EDIL3: variants seen among roughly 807,000 people sequenced by gnomAD.
EDIL3 encodes EGF like and discoidin domains 3.
A neutral mutation model predicts 67.4 loss-of-function variants in EDIL3; 37 were observed. The observed-to-expected ratio is 0.55, with a 90% CI of 0.42 to 0.72. EDIL3 has a LOEUF of 0.72. EDIL3 is among the 30% of genes least tolerant of loss of function. The probability of loss-of-function intolerance (pLI) is 0.00; values close to 1 mark genes in which losing one functional copy is unlikely to be tolerated. For missense variants in EDIL3, 527 were observed against 586.3 expected, an observed-to-expected ratio of 0.90 and a Z score of 1.04; for synonymous variants, 195 against 196.3, an observed-to-expected ratio of 0.99 and a Z score of 0.05.
At chr5:84,138,668 T>G (rs970254985) in intron 4 of EDIL3, among the ~76,000 whole-genome samples, 2 of 152,174 alleles carry the variant, frequency 1.3e-5, no homozygotes, top group Non-Finnish European at 2.9e-5. Flanking sequence ...TTTTGACATT[T>G]TTTTTTTCTA....
intron 9 of EDIL3, 50 bp downstream of exon 9, chr5:84,060,247 ATCT>A (rs1243498289): frequency 5.0e-6 from 8 of 1,586,428 alleles, no homozygotes; most frequent in African/African-American, 2.7e-5. Context: ...TCAACAGGAA[ATCT>A]TCTAAGAAAG....
chr5:84,191,496 T>C (rs1026461179), intron 3 of EDIL3, among the ~76,000 whole-genome samples: 56 of 152,152 alleles, frequency 3.7e-4, no homozygotes, highest in African/African-American at 1.3e-3. Context: ...TGTGGCTTCC[T>C]TGTGGCAGAT....
chr5:84,166,434 C>T (rs1026298926), intron 4 of EDIL3, among the ~76,000 whole-genome samples: 4 of 152,086 alleles, frequency 2.6e-5, no homozygotes, highest in Non-Finnish European at 5.9e-5. Context: ...TGCTATTAGA[C>T]AATACATTAA....
intron 9 of EDIL3, among the ~76,000 whole-genome samples, chr5:84,037,295 T>C (rs4449510): frequency 0.12 from 19,013 of 152,156 alleles, 1,927 homozygotes; most frequent in African/African-American, 0.28. Flanking sequence ...ATTGGTAACT[T>C]TAATGCTATT....
chr5:84,218,939 A>G (rs920523174), intron 3 of EDIL3, among the ~76,000 whole-genome samples: 6 of 152,164 alleles, frequency 3.9e-5, no homozygotes, highest in African/African-American at 1.4e-4. Flanking sequence ...TGCCACCCTG[A>G]AGCAAACGAC....
chr5:83,994,720 T>G (rs1252398047), intron 9 of EDIL3, among the ~76,000 whole-genome samples: 1 of 152,196 alleles, frequency 6.6e-6, no homozygotes, highest in Non-Finnish European at 1.5e-5. Context: ...ATGGATATAC[T>G]AGGTGTATTT....
chr5:84,360,424 C>A (rs1031531140), intron 1 of EDIL3, among the ~76,000 whole-genome samples: 3 of 152,050 alleles, frequency 2.0e-5, no homozygotes, highest in Non-Finnish European at 4.4e-5. Flanking sequence ...TACTTAAATA[C>A]CGAAGTTTGA....
At chr5:84,018,486 A>C (rs1369743199) in intron 9 of EDIL3, among the ~76,000 whole-genome samples, 1 of 152,134 alleles carries the variant, frequency 6.6e-6, no homozygotes, top group South Asian at 2.1e-4. Context: ...AAATTGTTTA[A>C]TAAATCTCTC....
rs1304872895 is a variant in EDIL3, at chr5:84,240,017, G to T, written c.197-10133C>A. Reference sequence around the variant, plus strand: ...TTTCTCCTGGAAACCAGCTTTAAAAGTTTACAGCTGTTTCTTCCAATAACT... The same window carrying T: ...TTTCTCCTGGAAACCAGCTTTAAAATTTTACAGCTGTTTCTTCCAATAACT... On this transcript the variant is annotated intron_variant, in intron 2 of 10. Transcript: ENST00000296591. 3.3e-5 allele frequency among the ~76,000 whole-genome samples: 5 copies of T among 152,114 alleles called. 1 individual carries two copies. The highest frequency in any genetic ancestry group is 7.4e-5 in the Non-Finnish European group (5 of 68,018).
intron 4 of EDIL3, among the ~76,000 whole-genome samples, chr5:84,144,270 TTTCCTTCC>T (rs61382462): frequency 0.35 from 51,011 of 147,400 alleles, 9,283 homozygotes; most frequent in East Asian, 0.73. Flanking sequence ...CCCTTCCTCC[TTTCCTTCC>T]TTCCTTCCTT....
chr5:84,000,334 C>A (rs980387177), intron 9 of EDIL3, among the ~76,000 whole-genome samples: 3 of 151,930 alleles, frequency 2.0e-5, no homozygotes. Context: ...AAAAATAATA[C>A]CTATGACCAC....
chr5:84,261,970 C>G (rs1372156212), intron 1 of EDIL3, among the ~76,000 whole-genome samples: 2 of 152,122 alleles, frequency 1.3e-5, no homozygotes, highest in African/African-American at 4.8e-5. Context: ...AATTTCACAG[C>G]TGATGACATA....
chr5:84,291,672 CTATCTATATAGATATATCTATA>C (rs1561247444), intron 1 of EDIL3, among the ~76,000 whole-genome samples: 1 of 107,586 alleles, frequency 9.3e-6, no homozygotes, highest in East Asian at 2.1e-4. Flanking sequence ...ATATATATAT[CTATCTATATAGATATATCTATA>C]TATCTATCTA....
At chr5:84,135,276 C>T (rs1440775426) in intron 5 of EDIL3, among the ~76,000 whole-genome samples, 1 of 152,158 alleles carries the variant, frequency 6.6e-6, no homozygotes, top group Non-Finnish European at 1.5e-5. Flanking sequence ...GGGAAGGCTT[C>T]TCCCCCGCAA....
At chr5:84,101,113 C>T (rs923618712) in intron 6 of EDIL3, among the ~76,000 whole-genome samples, 1 of 152,008 alleles carries the variant, frequency 6.6e-6, no homozygotes, top group African/African-American at 2.4e-5. Context: ...TACATATCCT[C>T]CAATGGTAAT....
At chr5:84,340,503 ACTCTCTCTCTCTCT>A (rs1170972212) in intron 1 of EDIL3, among the ~76,000 whole-genome samples, 1 of 38,692 alleles carries the variant, frequency 2.6e-5, no homozygotes, top group African/African-American at 1.3e-4. Flanking sequence ...AGGGAAGATT[ACTCTCTCTCTCTCT>A]CTCTCTCTCT....
intron 1 of EDIL3, among the ~76,000 whole-genome samples, chr5:84,284,421 T>G (rs1745769436): frequency 6.6e-6 from 1 of 152,068 alleles, no homozygotes; most frequent in Non-Finnish European, 1.5e-5. Context: ...TCCTATTTAC[T>G]GGTCCCCTGT....
chr5:84,184,016 G>A (rs1400869655), intron 3 of EDIL3, among the ~76,000 whole-genome samples: 1 of 152,188 alleles, frequency 6.6e-6, no homozygotes, highest in African/African-American at 2.4e-5. Flanking sequence ...TGAGGCAGGA[G>A]AATTGCTTTA....
intron 1 of EDIL3, among the ~76,000 whole-genome samples, chr5:84,329,422 C>A (rs1326734510): frequency 6.6e-6 from 1 of 152,008 alleles, no homozygotes; most frequent in Non-Finnish European, 1.5e-5. Context: ...TCCTTAGATG[C>A]CTTGCTATGA....
Sources: gnomAD v4.1 joint callset for allele counts (sites outside exome capture counted in the v4.1 genomes callset) on GRCh38, gnomAD v4.1.1 for gene constraint, MANE v1.5 for transcripts, NCBI Gene and HGNC (gene_info 2026-07-23, HGNC 2026-07-21) for gene names.